SUPT5H: variants seen among roughly 807,000 people sequenced by gnomAD.
The protein encoded by SUPT5H is SPT5 homolog, DSIF elongation factor subunit.
In SUPT5H, 24 loss-of-function variants were observed where a neutral mutation model predicts 142.5. The observed-to-expected ratio is 0.17, with a 90% CI of 0.12 to 0.24. The LOEUF (loss-of-function observed/expected upper bound fraction) is 0.24. SUPT5H is among the 10% of genes least tolerant of loss of function. The pLI is 1.00. For missense variants in SUPT5H, 893 were observed against 1,471.8 expected (o/e 0.61, Z 6.43); for synonymous variants, 546 against 553.0 (o/e 0.99, Z 0.18).
rs745453194 is a variant in SUPT5H, at chr19:39,468,821, G to A, written c.1103G>A (p.Arg368Gln). The change falls in exon 14 of 30, where the codon CGG (arginine) becomes CAG (glutamine). Residue 368 changes from arginine (R) to glutamine (Q), a missense_variant. This residue lies in a region of SUPT5H where 428 missense variants were observed against 763.5 expected (regional missense o/e 0.56). Transcript: ENST00000432763. ...FLIFEGNRYSRKGFLFKSFAM... is the reference protein window; with the variant it reads ...FLIFEGNRYSQKGFLFKSFAM... ...ATCTTTGAGGGGAACCGTTACAGCCGGAAGGGCTTTCTGTTCAAGAGCTTC... is the reference window on the plus strand; with the variant it reads ...ATCTTTGAGGGGAACCGTTACAGCCAGAAGGGCTTTCTGTTCAAGAGCTTC... The A allele has an allele frequency of 4.3e-6, 7 of 1,614,034 alleles. No homozygotes were observed. Among genetic ancestry groups the A allele is most frequent in the African/African-American group, 2.7e-5 (2 of 74,900 alleles).
intron 2 of SUPT5H, among the ~76,000 whole-genome samples, chr19:39,451,092 G>T (rs971150016): frequency 8.2e-5 from 8 of 97,270 alleles, no homozygotes; most frequent in Admixed American, 7.4e-4. Flanking sequence ...TCAGATTTTG[G>T]ATTTTTTTTT....
rs200178518 is a variant in SUPT5H at position 39,471,585 on chromosome 19, A to T, written c.1825-20A>T. ...TGAGGGGGACATGGTCAAGAGAGTG[A>T]CCCTTCTCTCCCCGGCTAGGGCCGA... On this transcript the variant is annotated intron_variant, in intron 19 of 29. Coordinates refer to ENST00000432763, the MANE Select transcript of SUPT5H (RefSeq NM_001111020.3). 1 of 1,613,962 alleles carries T rather than the reference A, an allele frequency of 6.2e-7. No homozygotes were observed. Among genetic ancestry groups the T allele is most frequent in the East Asian group, 2.2e-5 (1 of 44,868 alleles).
rs759297636 is a variant in SUPT5H at position 39,474,747 on chromosome 19, C to A, written c.3024+29C>A. The A allele has an allele frequency of 2.5e-6, 4 of 1,582,624 alleles. No homozygotes were observed. Among genetic ancestry groups the A allele is most frequent in the Non-Finnish European group, 3.4e-6 (4 of 1,164,134 alleles). Reference sequence around the variant, plus strand: ...CGTGGGGCCCAGGGTGGTGGGTGAGCAGGCATCCTCTCCTTGGTACCCCCT... The same window carrying A: ...CGTGGGGCCCAGGGTGGTGGGTGAGAAGGCATCCTCTCCTTGGTACCCCCT... On this transcript the variant is annotated intron_variant, in intron 28 of 29. Transcript: ENST00000432763. The surrounding 1 kb of genome is among the most constrained non-coding windows in gnomAD (Gnocchi z 6.5).
Position 39,474,536 on chromosome 19 carries a change from G to A in SUPT5H, c.2842G>A (p.Val948Ile), listed in dbSNP as rs1171711692. The A allele has an allele frequency of 5.0e-6, 8 of 1,614,188 alleles. No individual in the cohort carries two copies. The highest frequency in any genetic ancestry group is 3.3e-5 in the Admixed American group (2 of 60,030). The change falls in exon 28 of 30, where the codon GTT becomes ATT. Residue 948 changes from valine to isoleucine, a missense_variant. Around this residue, in one of 6 missense-constraint regions of SUPT5H, gnomAD observed 336 missense variants for 546.5 expected, o/e 0.61. Coordinates refer to ENST00000432763, the MANE Select transcript of SUPT5H (RefSeq NM_001111020.3). This position sits in a 1 kb window ranked among gnomAD's most constrained non-coding sequence, Gnocchi z 6.5. ...AYQASPSPSPVGYSPMTPGAP... is the reference protein window; with the variant it reads ...AYQASPSPSPIGYSPMTPGAP... The stretch of plus-strand genomic sequence containing the variant: ...GCAGGCTAGCCCCAGCCCGAGCCCC[G>A]TTGGCTACAGTCCTATGACACCTGG...
In SUPT5H at chr19:39,469,666, T is replaced by C. The variant is rs1213326662; in HGVS notation, c.1374+268T>C. ...AGCAAGATATCTGGGTAGTACTGGG[T>C]TGAGAGTGTGATTAACCAAGGAGTA... is the stretch of plus-strand genomic sequence containing the variant. On this transcript the variant is annotated intron_variant, in intron 16 of 29. Coordinates refer to ENST00000432763, the MANE Select transcript of SUPT5H (RefSeq NM_001111020.3). The surrounding 1 kb of genome is among the most constrained non-coding windows in gnomAD (Gnocchi z 5.1). 2 of 563,246 alleles carry C rather than the reference T, an allele frequency of 3.6e-6. No homozygotes were observed. The highest frequency in any genetic ancestry group is 2.0e-5 in the South Asian group (1 of 49,094). 34.9% of individuals were successfully genotyped at this position (563,246 alleles called of 1,614,324 possible). A position where few individuals can be genotyped will look rare whatever the true frequency, so the allele number is the denominator to read the frequency against.
Position 39,466,812 on chromosome 19 carries a change from G to A in SUPT5H, c.1037+67G>A. 4 of 1,537,476 alleles carry A rather than the reference G, an allele frequency of 2.6e-6. No homozygotes were observed. Among genetic ancestry groups the A allele is most frequent in the Non-Finnish European group, 9.0e-7 (1 of 1,110,970 alleles). ...CGGTGTGTAGAATGTGCCTTTTGCAGGTTCCTCCCCAGGGGTGGCCCCGCC... is the reference window on the plus strand; with the variant it reads ...CGGTGTGTAGAATGTGCCTTTTGCAAGTTCCTCCCCAGGGGTGGCCCCGCC... On this transcript the variant is annotated intron_variant, in intron 13 of 29. Transcript: ENST00000432763. The surrounding 1 kb of genome is among the most constrained non-coding windows in gnomAD (Gnocchi z 4.3).
At chr19:39,459,414 G>C (rs1006669971) in intron 8 of SUPT5H, 145 bp from the exon 9 acceptor site, 5 of 1,328,874 alleles carry the variant, frequency 3.8e-6, no homozygotes, top group African/African-American at 1.4e-5. Context: ...CTTTCCTCTT[G>C]CTCCTGGGTA....
Position 39,473,254 on chromosome 19 carries a change from G to A in SUPT5H, c.2310G>A (p.Met770Ile). Reference sequence around the variant, plus strand: ...CCTCGACCTATGGGAGGACGCCCATGTATGGCTCCCAGACGCCCATGTATG... The same window carrying A: ...CCTCGACCTATGGGAGGACGCCCATATATGGCTCCCAGACGCCCATGTATG... ...GMTSTYGRTPMYGSQTPMYGS... is the reference protein window; with the variant it reads ...GMTSTYGRTPIYGSQTPMYGS... The change falls in exon 24 of 30, where the codon ATG (methionine) becomes ATA (isoleucine). Residue 770 changes from methionine (M) to isoleucine (I), a missense_variant. Transcript: ENST00000432763. The surrounding 1 kb of genome is among the most constrained non-coding windows in gnomAD (Gnocchi z 5.8). 1 of 1,613,732 alleles carries A rather than the reference G, an allele frequency of 6.2e-7. No individual in the cohort carries two copies. The highest frequency in any genetic ancestry group is 8.5e-7 in the Non-Finnish European group (1 of 1,179,952).
rs2079367495 is a variant in SUPT5H, at chr19:39,474,143, C to T, written c.2651+22C>T. 6.2e-7 allele frequency: 1 copy of T among 1,604,492 alleles called. No individual in the cohort carries two copies. The highest frequency in any genetic ancestry group is 8.5e-7 in the Non-Finnish European group (1 of 1,174,826). ...CCATGTGAGTCCACTGGGGCCTGCC[C>T]TCGTCTACCCCTGCCCAAACCCTCC... On this transcript the variant is annotated intron_variant, in intron 26 of 29. Transcript: ENST00000432763. This position sits in a 1 kb window ranked among gnomAD's most constrained non-coding sequence, Gnocchi z 6.5.
intron 2 of SUPT5H, among the ~76,000 whole-genome samples, chr19:39,448,106 C>T (rs1473543785): frequency 1.3e-5 from 2 of 152,162 alleles, no homozygotes; most frequent in Non-Finnish European, 2.9e-5. Context: ...CTCCAGTTCC[C>T]AGGATATGTT....
chr19:39,469,517 C>G lies in SUPT5H; in HGVS notation c.1374+119C>G. ...GGTTTCCAGGAGGGTAAGTTGAGGC[C>G]CTTCTAGCATTCTCAGGTGCCTGAG... is the stretch of plus-strand genomic sequence containing the variant. On this transcript the variant is annotated intron_variant, in intron 16 of 29. Transcript: ENST00000432763. This position sits in a 1 kb window ranked among gnomAD's most constrained non-coding sequence, Gnocchi z 5.1. 7 of 1,436,300 alleles carry G rather than the reference C, an allele frequency of 4.9e-6. No homozygotes were observed. The highest frequency in any genetic ancestry group is 6.6e-6 in the Non-Finnish European group (7 of 1,054,736). The allele number at this position is 1,436,300 out of a possible 1,614,324, so 89.0% of individuals were successfully genotyped here. A position where few individuals can be genotyped will look rare whatever the true frequency, so the allele number is the denominator to read the frequency against.
At chr19:39,462,505 A>G (rs1488829632) in intron 10 of SUPT5H, among the ~76,000 whole-genome samples, 1 of 151,826 alleles carries the variant, frequency 6.6e-6, no homozygotes, top group South Asian at 2.1e-4. Flanking sequence ...ACTCATCCAT[A>G]TTGTAGCATA....
intron 10 of SUPT5H, among the ~76,000 whole-genome samples, chr19:39,462,255 T>C (rs920257950): frequency 1.3e-5 from 2 of 152,102 alleles, no homozygotes; most frequent in Admixed American, 1.3e-4. Flanking sequence ...ATTTTATATA[T>C]TGTAGTGTAT....
At position 39,466,377 on chromosome 19, in the gene SUPT5H, C is replaced by A; in HGVS notation, c.877-103C>A. ...GGTCAGCAGCCTGGTTTCTTCCCCA[C>A]CATCCTGCGTCCCTTCTCCTTCCTA... On this transcript the variant is annotated intron_variant, in intron 11 of 29. Transcript: ENST00000432763. This position sits in a 1 kb window ranked among gnomAD's most constrained non-coding sequence, Gnocchi z 4.3. The A allele has an allele frequency of 1.8e-6, 2 of 1,099,802 alleles. No homozygotes were observed. The highest frequency in any genetic ancestry group is 2.7e-6 in the Non-Finnish European group (2 of 733,002). The allele number at this position is 1,099,802 out of a possible 1,614,324, so 68.1% of individuals were successfully genotyped here.
intron 1 of SUPT5H, 65 bp from the exon 2 acceptor site, chr19:39,445,739 C>T: frequency 1.2e-6 from 1 of 837,098 alleles, no homozygotes; most frequent in Non-Finnish European, 1.9e-6. Flanking sequence ...AGGGGGTCCT[C>T]ACTCCGCTTC....
intron 2 of SUPT5H, among the ~76,000 whole-genome samples, chr19:39,452,617 C>G (rs1392535974): frequency 6.6e-6 from 1 of 152,112 alleles, no homozygotes; most frequent in Non-Finnish European, 1.5e-5. Flanking sequence ...CAGTGATCTT[C>G]GTGAGCAGTG....
At chr19:39,446,344 G>A (rs76540307) in intron 2 of SUPT5H, among the ~76,000 whole-genome samples, 2,009 of 152,230 alleles carry the variant, frequency 0.013, 56 homozygotes, top group African/African-American at 0.046. Context: ...TTTTAAAAAT[G>A]TCTGCCTTCG....
At chr19:39,455,324 G>A (rs951390055) in intron 3 of SUPT5H, among the ~76,000 whole-genome samples, 1 of 152,116 alleles carries the variant, frequency 6.6e-6, no homozygotes, top group East Asian at 1.9e-4. Flanking sequence ...CACTTTAGGA[G>A]GCTGAGGCGG....
At chr19:39,471,874 G>C in intron 20 of SUPT5H, 144 bp downstream of exon 20, 1 of 1,183,454 alleles carries the variant, frequency 8.4e-7, no homozygotes, top group Non-Finnish European at 1.1e-6. Flanking sequence ...AGAGTGAGAA[G>C]GTTTATTTGG....
Sources: gnomAD v4.1 joint callset for allele counts (sites outside exome capture counted in the v4.1 genomes callset) on GRCh38, gnomAD v4.1.1 for gene constraint, gnomAD v4.1.1 regional missense constraint, Gnocchi (gnomAD v3.1) non-coding constraint, MANE v1.5 for transcripts, NCBI Gene and HGNC (gene_info 2026-07-23, HGNC 2026-07-21) for gene names.